TMEM38B: variants seen among roughly 807,000 people sequenced by gnomAD.
TMEM38B encodes the protein trimeric intracellular cation channel type B.
TMEM38B carries 24 observed loss-of-function variants against 28.7 expected under a neutral mutation model. The observed-to-expected ratio is 0.84, with a 90% CI of 0.61 to 1.18. The LOEUF (loss-of-function observed/expected upper bound fraction) is 1.18, where lower values mean the gene tolerates loss of function less well. Among genes scored for constraint, TMEM38B ranks in the 50% most tolerant of loss-of-function variants. The pLI is 0.00. For missense variants in TMEM38B, 380 were observed against 350.9 expected (o/e 1.08, Z -0.66); for synonymous variants, 131 against 127.7 (o/e 1.03, Z -0.17).
chr9:105,695,262 A>G (rs1835250454), intron 1 of TMEM38B, among the ~76,000 whole-genome samples: 1 of 147,896 alleles, frequency 6.8e-6, no homozygotes, highest in Admixed American at 6.6e-5. Flanking sequence ...TCTTGGAGTA[A>G]TAGATGGTTG....
intron 2 of TMEM38B, among the ~76,000 whole-genome samples, chr9:105,716,021 C>T (rs2133569222): frequency 6.6e-6 from 1 of 152,308 alleles, no homozygotes; most frequent in East Asian, 1.9e-4. Context: ...TTCTTGACTT[C>T]ACAGAGCTCC....
intron 5 of TMEM38B, chr9:105,760,012 A>C (rs1837979322): frequency 8.3e-6 from 12 of 1,445,104 alleles, no homozygotes; most frequent in Non-Finnish European, 1.1e-5. Context: ...AAGACTCTGC[A>C]AAAGTTCAAT....
intron 5 of TMEM38B, among the ~76,000 whole-genome samples, chr9:105,750,634 C>CAAATA (rs1837613980): frequency 6.6e-6 from 1 of 151,896 alleles, no homozygotes; most frequent in Admixed American, 6.6e-5. Context: ...AAACAAAAAA[C>CAAATA]ACACATTTTT....
chr9:105,773,312 A>G (rs1826619718), intron 5 of TMEM38B, among the ~76,000 whole-genome samples: 2 of 152,166 alleles, frequency 1.3e-5, no homozygotes. Context: ...TGAGGGTAGC[A>G]TTCTGCAAGT....
At chr9:105,747,729 G>A (rs2136409) in intron 4 of TMEM38B, among the ~76,000 whole-genome samples, 5 of 151,882 alleles carry the variant, frequency 3.3e-5, no homozygotes, top group Admixed American at 2.6e-4. Context: ...TATAAATTTC[G>A]CTCTACACAC....
chr9:105,758,118 A>T, intron 5 of TMEM38B: 1 of 484,494 alleles, frequency 2.1e-6, no homozygotes, highest in Non-Finnish European at 3.8e-6. Flanking sequence ...GCTGGGCCTG[A>T]GTGTTGCCTT....
chr9:105,728,885 A>G (rs897258172), intron 4 of TMEM38B, among the ~76,000 whole-genome samples: 5 of 152,098 alleles, frequency 3.3e-5, no homozygotes, highest in Admixed American at 1.3e-4. Flanking sequence ...TTCTTTTGAG[A>G]AGGGTCTGTT....
chr9:105,774,135 T>C lies in TMEM38B; in HGVS notation c.*55T>C, dbSNP rs570332076. The C allele has an allele frequency of 2.7e-4, 386 of 1,436,866 alleles. 1 individual carries two copies. The highest frequency in any genetic ancestry group is 1.1e-3 in the Admixed American group (57 of 52,678). 89.0% of individuals were successfully genotyped at this position (1,436,866 alleles called of 1,614,324 possible). The stretch of plus-strand genomic sequence containing the variant: ...AATTTTTTTTCTTATCTACCTGTTA[T>C]ATTGTGCTAATTTTTCTATGTATGT... On this transcript the variant is annotated 3_prime_UTR_variant, in exon 6 of 6. Transcript: ENST00000374692.
At chr9:105,765,883 C>T (rs1166750980) in intron 5 of TMEM38B, among the ~76,000 whole-genome samples, 1 of 151,972 alleles carries the variant, frequency 6.6e-6, no homozygotes, top group Non-Finnish European at 1.5e-5. Flanking sequence ...CTCACTGCAA[C>T]CTCCGCCGCA....
At chr9:105,723,408 ATTTT>A (rs33912236) in intron 4 of TMEM38B, among the ~76,000 whole-genome samples, 1 of 140,296 alleles carries the variant, frequency 7.1e-6, no homozygotes, top group Non-Finnish European at 1.6e-5. Context: ...TTGTAATTGT[ATTTT>A]TTTTTTTTTT....
chr9:105,706,694 T>C (rs1034483542), intron 2 of TMEM38B, among the ~76,000 whole-genome samples: 2 of 151,500 alleles, frequency 1.3e-5, no homozygotes, highest in African/African-American at 4.8e-5. Flanking sequence ...TTCTCTCTCT[T>C]TTTTTTTTCC....
intron 5 of TMEM38B, among the ~76,000 whole-genome samples, chr9:105,771,261 T>C (rs1826533444): frequency 6.6e-6 from 1 of 152,208 alleles, no homozygotes; most frequent in Non-Finnish European, 1.5e-5. Context: ...AATAAGGATT[T>C]ATTCTATTTG....
chr9:105,700,798 G>C (rs1835438760), intron 1 of TMEM38B, among the ~76,000 whole-genome samples: 1 of 152,142 alleles, frequency 6.6e-6, no homozygotes, highest in African/African-American at 2.4e-5. Context: ...ATCTTTATGA[G>C]TCCCCATGTA....
intron 5 of TMEM38B, among the ~76,000 whole-genome samples, chr9:105,766,931 C>T (rs1351817080): frequency 7.0e-6 from 1 of 143,560 alleles, no homozygotes; most frequent in East Asian, 2.2e-4. Context: ...TGGTGTTCCC[C>T]ACCCTGTGTC....
intron 1 of TMEM38B, among the ~76,000 whole-genome samples, chr9:105,696,437 C>G (rs1835291571): frequency 6.6e-6 from 1 of 152,126 alleles, no homozygotes; most frequent in African/African-American, 2.4e-5. Context: ...GCGCCTGCCA[C>G]CAAGTTCGGC....
intron 5 of TMEM38B, among the ~76,000 whole-genome samples, chr9:105,769,216 CAT>C (rs34086085): frequency 0.1 from 15,776 of 152,180 alleles, 1,265 homozygotes; most frequent in East Asian, 0.46. Flanking sequence ...GTTCCTCAAA[CAT>C]ATTAAAAAAT....
At chr9:105,722,666 G>A (rs1319383916) in intron 4 of TMEM38B, 45 bp downstream of exon 4, 1 of 1,498,730 alleles carries the variant, frequency 6.7e-7, no homozygotes, top group Non-Finnish European at 9.2e-7. Flanking sequence ...TTTATCCTTA[G>A]ATCTTACCAA....
intron 2 of TMEM38B, among the ~76,000 whole-genome samples, chr9:105,709,216 T>C (rs1835801099): frequency 1.3e-5 from 2 of 152,132 alleles, no homozygotes; most frequent in Non-Finnish European, 2.9e-5. Flanking sequence ...ATTTTGGGGG[T>C]TATTTCCTAG....
At chr9:105,724,782 T>C (rs1047495392) in intron 4 of TMEM38B, among the ~76,000 whole-genome samples, 4 of 152,186 alleles carry the variant, frequency 2.6e-5, no homozygotes, top group Non-Finnish European at 5.9e-5. Context: ...TAACGATAAG[T>C]TATAAATAAG....
Sources: gnomAD v4.1 joint callset for allele counts (sites outside exome capture counted in the v4.1 genomes callset) on GRCh38, gnomAD v4.1.1 for gene constraint, MANE v1.5 for transcripts, NCBI Gene and HGNC (gene_info 2026-07-23, HGNC 2026-07-21) for gene names.